The following RPS6KA5 variants were observed in gnomAD, a reference collection of about 807,000 sequenced individuals.
RPS6KA5 encodes ribosomal protein S6 kinase A5, also known as ribosomal protein S6 kinase alpha-5.
A neutral mutation model predicts 85.5 loss-of-function variants in RPS6KA5; 27 were observed. That is an observed-to-expected ratio of 0.32 (90% CI 0.23 to 0.44). RPS6KA5 has a LOEUF of 0.44. RPS6KA5 is among the 20% of genes least tolerant of loss of function. The pLI, the probability that RPS6KA5 is intolerant of heterozygous loss-of-function variation, is 1.00. For synonymous variants in RPS6KA5, 334 were observed against 348.2 expected, an observed-to-expected ratio of 0.96 and a Z score of 0.46; for missense variants, 811 against 980.9, an observed-to-expected ratio of 0.83 and a Z score of 2.31.
intron 14 of RPS6KA5, among the ~76,000 whole-genome samples, chr14:90,890,248 TA>T (rs1350380556): frequency 6.6e-6 from 1 of 152,208 alleles, no homozygotes; most frequent in Non-Finnish European, 1.5e-5. Context: ...CTCTCATTGA[TA>T]TAAAACACAG....
At chr14:90,963,038 G>T (rs2038885890) in intron 3 of RPS6KA5, among the ~76,000 whole-genome samples, 1 of 152,086 alleles carries the variant, frequency 6.6e-6, no homozygotes, top group Non-Finnish European at 1.5e-5. Flanking sequence ...AATGCTCTTT[G>T]TGGCTACTTT....
chr14:90,873,698 C>T lies in RPS6KA5; in HGVS notation c.2094G>A (p.Leu698=), dbSNP rs2033271006. Residue 698 remains leucine, a synonymous_variant, in exon 16 of 17, where the codon CTG becomes CTA. Transcript: ENST00000614987. The part of the protein sequence containing the change: ...QDGSQLSSNP[L]MTPDILGSSG... ...AAGATCCTAGAATATCCGGAGTCAT[C>T]AGAGGATTGGAGGACAGCTGACTTC... The T allele has an allele frequency of 3.7e-6, 6 of 1,614,140 alleles. No individual in the cohort carries two copies. Among genetic ancestry groups the T allele is most frequent in the Non-Finnish European group, 5.1e-6 (6 of 1,180,022 alleles).
chr14:90,975,410 G>T (rs1338194385), intron 3 of RPS6KA5, among the ~76,000 whole-genome samples: 3 of 152,138 alleles, frequency 2.0e-5, no homozygotes, highest in African/African-American at 7.2e-5. Flanking sequence ...GACTGTAAAT[G>T]GAGTTAAAAT....
chr14:90,927,423 CAA>C (rs532770605), intron 5 of RPS6KA5, among the ~76,000 whole-genome samples: 625 of 151,972 alleles, frequency 4.1e-3, no homozygotes, highest in Non-Finnish European at 6.2e-3. Flanking sequence ...AACTCTCGAT[CAA>C]AAAATAAAAT....
Position 90,852,438 on chromosome 14 carries a change from C to T in RPS6KA5, c.*19636G>A, listed in dbSNP as rs1478871714. 2 of 152,032 alleles carry T rather than the reference C, an allele frequency of 1.3e-5. No homozygotes were observed. The highest frequency in any genetic ancestry group is 4.8e-5 in the African/African-American group (2 of 41,372). 9.4% of individuals were successfully genotyped at this position (152,032 alleles called of 1,614,324 possible). On this transcript the variant is annotated 3_prime_UTR_variant, in exon 17 of 17. Coordinates refer to ENST00000614987, the MANE Select transcript of RPS6KA5 (RefSeq NM_004755.4). ...ATAACTAATTGTCAATGTCTAAATACCTTAAAAAGAAGCATATATGTAAGT... is the reference window on the plus strand; with the variant it reads ...ATAACTAATTGTCAATGTCTAAATATCTTAAAAAGAAGCATATATGTAAGT...
chr14:90,898,446 C>T (rs1016866218), intron 12 of RPS6KA5, among the ~76,000 whole-genome samples: 2 of 152,178 alleles, frequency 1.3e-5, no homozygotes, highest in Admixed American at 6.5e-5. Flanking sequence ...TGGGCCCCAT[C>T]GATCCTAGGT....
At chr14:91,014,950 C>G (rs1206334719) in intron 1 of RPS6KA5, among the ~76,000 whole-genome samples, 1 of 152,112 alleles carries the variant, frequency 6.6e-6, no homozygotes, top group Non-Finnish European at 1.5e-5. Flanking sequence ...CCAAGGAACA[C>G]TAATTTGTTG....
intron 14 of RPS6KA5, among the ~76,000 whole-genome samples, chr14:90,877,734 A>G (rs1158170648): frequency 6.6e-6 from 1 of 152,062 alleles, no homozygotes; most frequent in Non-Finnish European, 1.5e-5. Flanking sequence ...AGTCCCATGC[A>G]TCCTAGGGTG....
intron 1 of RPS6KA5, among the ~76,000 whole-genome samples, chr14:91,003,246 T>C (rs1272711317): frequency 3.3e-5 from 5 of 152,068 alleles, no homozygotes; most frequent in African/African-American, 1.2e-4. Context: ...CTAGATTATA[T>C]CTATATTTAT....
At chr14:90,995,088 T>G (rs1438295648) in intron 2 of RPS6KA5, among the ~76,000 whole-genome samples, 1 of 152,036 alleles carries the variant, frequency 6.6e-6, no homozygotes, top group Non-Finnish European at 1.5e-5. Flanking sequence ...TCTTGCTCTG[T>G]GCAGTGGCTC....
In RPS6KA5 at chr14:90,858,081, C is replaced by G. The variant is rs2032370975; in HGVS notation, c.*13993G>C. 1 of 152,158 alleles carries G rather than the reference C, an allele frequency of 6.6e-6. No individual in the cohort carries two copies. The highest frequency in any genetic ancestry group is 2.1e-4 in the South Asian group (1 of 4,832). The allele number at this position is 152,158 out of a possible 1,614,324, so 9.4% of individuals were successfully genotyped here. On this transcript the variant is annotated 3_prime_UTR_variant, in exon 17 of 17. Transcript: ENST00000614987. ...CACAATAGAGTAGCTTGTGATTGGA[C>G]TAGCCCTCCTACTGAAAACAACGAT... is the stretch of plus-strand genomic sequence containing the variant.
intron 14 of RPS6KA5, among the ~76,000 whole-genome samples, chr14:90,879,603 T>A (rs959942321): frequency 2.6e-5 from 4 of 152,156 alleles, no homozygotes; most frequent in African/African-American, 9.7e-5. Flanking sequence ...TGAGCTCAAG[T>A]GATCAGCTGC....
At chr14:91,022,166 G>C (rs756603482) in intron 1 of RPS6KA5, among the ~76,000 whole-genome samples, 1 of 152,112 alleles carries the variant, frequency 6.6e-6, no homozygotes, top group Non-Finnish European at 1.5e-5. Context: ...GTAACCATTT[G>C]CTTTTAATTT....
intron 1 of RPS6KA5, among the ~76,000 whole-genome samples, chr14:91,009,255 G>C (rs1287844973): frequency 6.6e-6 from 1 of 152,190 alleles, no homozygotes; most frequent in Non-Finnish European, 1.5e-5. Context: ...TCTTATAAAA[G>C]AGGCTAGAGC....
intron 2 of RPS6KA5, among the ~76,000 whole-genome samples, chr14:90,982,979 G>T (rs560481957): frequency 6.6e-6 from 1 of 152,188 alleles, no homozygotes; most frequent in Non-Finnish European, 1.5e-5. Context: ...CAGGGGTCGT[G>T]GTGGGCACCT....
intron 3 of RPS6KA5, among the ~76,000 whole-genome samples, chr14:90,960,167 T>C (rs142604749): frequency 2.9e-3 from 447 of 152,242 alleles, no homozygotes; most frequent in South Asian, 4.2e-3. Context: ...GCAAGGGATT[T>C]TCATTTCAAC....
intron 1 of RPS6KA5, chr14:91,059,882 A>C (rs1395293802): frequency 1.4e-5 from 4 of 277,618 alleles, no homozygotes; most frequent in Middle Eastern, 1.8e-3. Context: ...GGCTCCACAG[A>C]GCCCCACCGG....
chr14:90,992,865 T>C (rs945609506), intron 2 of RPS6KA5, among the ~76,000 whole-genome samples: 1 of 152,222 alleles, frequency 6.6e-6, no homozygotes, highest in African/African-American at 2.4e-5. Context: ...AAGATTACTG[T>C]GCATGTTAAA....
rs1175856941 is a variant in RPS6KA5, at chr14:90,864,447, C to T, written c.*7627G>A. The stretch of plus-strand genomic sequence containing the variant: ...GAGCCACCTCACCCGGCCAATAAAG[C>T]TTTTAGAAGAATATAAGAATATCTT... On this transcript the variant is annotated 3_prime_UTR_variant, in exon 17 of 17. Coordinates refer to ENST00000614987, the MANE Select transcript of RPS6KA5 (RefSeq NM_004755.4). 1.3e-5 allele frequency: 2 copies of T among 152,082 alleles called. No individual in the cohort carries two copies. The highest frequency in any genetic ancestry group is 2.4e-5 in the African/African-American group (1 of 41,418). The allele number at this position is 152,082 out of a possible 1,614,324, so 9.4% of individuals were successfully genotyped here.
Sources: allele counts gnomAD v4.1 joint callset (sites outside exome capture counted in the v4.1 genomes callset), GRCh38; gene constraint gnomAD v4.1.1; transcripts MANE v1.5; gene names NCBI Gene and HGNC (gene_info 2026-07-23, HGNC 2026-07-21).